SHC3: variants seen among roughly 807,000 people sequenced by gnomAD.
SHC3 encodes SHC adaptor protein 3.
Under a neutral mutation model 60.4 loss-of-function variants are expected in SHC3, and 15 were observed. That is an observed-to-expected ratio of 0.25 (90% CI 0.17 to 0.38). The LOEUF is 0.38. SHC3 is among the 10% of genes least tolerant of loss of function. SHC3 has a pLI of 1.00. For missense variants in SHC3, 677 were observed against 786.1 expected (o/e 0.86, Z 1.66); for synonymous variants, 294 against 325.9 (o/e 0.90, Z 1.05).
intron 1 of SHC3, among the ~76,000 whole-genome samples, chr9:89,155,605 C>A (rs1246545096): frequency 5.9e-5 from 9 of 152,164 alleles, no homozygotes; most frequent in Non-Finnish European, 1.3e-4. Context: ...CAAAAAGCCA[C>A]CCTAAGTAGC....
At chr9:89,085,893 A>C (rs894901584) in intron 2 of SHC3, among the ~76,000 whole-genome samples, 1 of 152,072 alleles carries the variant, frequency 6.6e-6, no homozygotes. Flanking sequence ...TCCTCAATAA[A>C]ATCCTCAGGA....
chr9:89,134,611 G>T (rs1379458362), intron 1 of SHC3, among the ~76,000 whole-genome samples: 1 of 152,016 alleles, frequency 6.6e-6, no homozygotes, highest in African/African-American at 2.4e-5. Flanking sequence ...CTTGTCAATT[G>T]TGACTTTAAT....
intron 10 of SHC3, 138 bp from the exon 11 acceptor site, chr9:89,038,426 G>A (rs1424595577): frequency 1.1e-6 from 1 of 905,570 alleles, no homozygotes; most frequent in Non-Finnish European, 1.6e-6. Flanking sequence ...AACCAATGGA[G>A]ACAACTAACT....
intron 2 of SHC3, among the ~76,000 whole-genome samples, chr9:89,105,605 A>T (rs751624175): frequency 1.3e-5 from 2 of 152,204 alleles, no homozygotes; most frequent in Non-Finnish European, 2.9e-5. Flanking sequence ...TTTTATCTTC[A>T]ATATCTAAAC....
chr9:89,062,023 A>G (rs888453359), intron 6 of SHC3, among the ~76,000 whole-genome samples: 1 of 152,232 alleles, frequency 6.6e-6, no homozygotes, highest in East Asian at 1.9e-4. Flanking sequence ...AGGGAGTACC[A>G]GAGGGCGCCT....
In SHC3 at chr9:89,006,324, A is replaced by G. The variant is rs1189722758; in HGVS notation, c.*7123T>C. ...CAAAAGGGAGGAGGGAATTTAAGCT[A>G]ATTCTCTTCACCTGCTGTATTCTCA... On this transcript the variant is annotated 3_prime_UTR_variant, in exon 12 of 12. Transcript: ENST00000375835. 6.6e-6 allele frequency: 1 copy of G among 152,214 alleles called. No individual in the cohort carries two copies. Among genetic ancestry groups the G allele is most frequent in the Non-Finnish European group, 1.5e-5 (1 of 68,032 alleles). The allele number at this position is 152,214 out of a possible 1,614,324, so 9.4% of individuals were successfully genotyped here. A position where few individuals can be genotyped will look rare whatever the true frequency, so the allele number is the denominator to read the frequency against.
intron 11 of SHC3, among the ~76,000 whole-genome samples, chr9:89,018,261 A>T (rs1284739854): frequency 6.6e-6 from 1 of 152,236 alleles, no homozygotes; most frequent in East Asian, 1.9e-4. Flanking sequence ...TCAATGATAG[A>T]CTGGGTAAAG....
chr9:89,079,832 C>A (rs924039601), intron 2 of SHC3, among the ~76,000 whole-genome samples: 1 of 152,206 alleles, frequency 6.6e-6, no homozygotes, highest in Non-Finnish European at 1.5e-5. Flanking sequence ...CAGGGAAAAT[C>A]CTAAGGATCC....
At chr9:89,043,596 G>T (rs73496102) in intron 9 of SHC3, among the ~76,000 whole-genome samples, 15,254 of 152,040 alleles carry the variant, frequency 0.1, 2,489 homozygotes, top group African/African-American at 0.35. Context: ...GACAGTATCT[G>T]CCAGCAAATT....
intron 1 of SHC3, among the ~76,000 whole-genome samples, chr9:89,161,765 T>C (rs1209780493): frequency 6.7e-6 from 1 of 149,416 alleles, no homozygotes; most frequent in Non-Finnish European, 1.5e-5. Flanking sequence ...GAGAAGGAAA[T>C]AAAGGGTATT....
Position 89,012,678 on chromosome 9 carries a change from A to G in SHC3, c.*769T>C, listed in dbSNP as rs902992273. On this transcript the variant is annotated 3_prime_UTR_variant, in exon 12 of 12. Coordinates refer to ENST00000375835, the MANE Select transcript of SHC3 (RefSeq NM_016848.6). ...AACAGGGAAGCACTTGTCAATCAAAATCTTGGTTGGTGAAGCTTATTTTGT... is the reference window on the plus strand; with the variant it reads ...AACAGGGAAGCACTTGTCAATCAAAGTCTTGGTTGGTGAAGCTTATTTTGT... 6.6e-6 allele frequency: 1 copy of G among 152,204 alleles called. No homozygotes were observed. Among genetic ancestry groups the G allele is most frequent in the African/African-American group, 2.4e-5 (1 of 41,456 alleles). 9.4% of individuals were successfully genotyped at this position (152,204 alleles called of 1,614,324 possible).
At position 89,042,132 on chromosome 9, in the gene SHC3, C is replaced by G. The variant is rs769318109; in HGVS notation, c.1254G>C (p.Thr418=). 6.4e-7 allele frequency: 1 copy of G among 1,568,044 alleles called. No homozygotes were observed. Among genetic ancestry groups the G allele is most frequent in the East Asian group, 2.3e-5 (1 of 43,472 alleles). ...TPEGKLHVAP[T]GEAPTYVNTQ... is the part of the protein sequence containing the mutation. ...TGTTGACGTAGGTGGGTGCTTCTCC[C>G]GTGGGGGCCACGTGCAGTTTCCCTT... The change falls in exon 10 of 12, where the codon ACG becomes ACC. Residue 418 remains threonine (T), a synonymous_variant. Coordinates refer to ENST00000375835, the MANE Select transcript of SHC3 (RefSeq NM_016848.6).
At chr9:89,126,326 T>A (rs906756242) in intron 1 of SHC3, among the ~76,000 whole-genome samples, 3 of 152,190 alleles carry the variant, frequency 2.0e-5, no homozygotes, top group African/African-American at 7.2e-5. Context: ...TTAGAGTTCT[T>A]CCTAACATTT....
intron 4 of SHC3, among the ~76,000 whole-genome samples, chr9:89,072,114 G>A (rs1825284022): frequency 6.6e-6 from 1 of 152,150 alleles, no homozygotes; most frequent in Admixed American, 6.5e-5. Context: ...CTGACCTGTG[G>A]AGTGGCTTCA....
At chr9:89,044,144 A>T (rs1824735216) in intron 9 of SHC3, among the ~76,000 whole-genome samples, 1 of 152,334 alleles carries the variant, frequency 6.6e-6, no homozygotes, top group Non-Finnish European at 1.5e-5. Flanking sequence ...AAGGGAAATA[A>T]TGTGTCTCCT....
chr9:89,018,763 G>A (rs4504710), intron 11 of SHC3, among the ~76,000 whole-genome samples: 1 of 143,158 alleles, frequency 7.0e-6, no homozygotes, highest in South Asian at 2.2e-4. Context: ...ACTTGATAAA[G>A]AATATCTATG....
chr9:89,059,916 G>A (rs919644554), intron 6 of SHC3, among the ~76,000 whole-genome samples: 3 of 150,460 alleles, frequency 2.0e-5, no homozygotes, highest in Non-Finnish European at 3.0e-5. Context: ...CAGTGGTGGA[G>A]GATGTCATAT....
intron 1 of SHC3, among the ~76,000 whole-genome samples, chr9:89,117,160 T>C (rs1345757943): frequency 6.6e-6 from 1 of 152,200 alleles, no homozygotes; most frequent in Non-Finnish European, 1.5e-5. Flanking sequence ...TAATTTCTTG[T>C]AGTTATATTA....
intron 1 of SHC3, among the ~76,000 whole-genome samples, chr9:89,142,349 C>T (rs1285110375): frequency 6.6e-6 from 1 of 152,006 alleles, no homozygotes; most frequent in Non-Finnish European, 1.5e-5. Flanking sequence ...CACTTGAGGT[C>T]CAGGAGTTCA....
Sources: allele counts gnomAD v4.1 joint callset (sites outside exome capture counted in the v4.1 genomes callset), GRCh38; gene constraint gnomAD v4.1.1; transcripts MANE v1.5; gene names NCBI Gene and HGNC (gene_info 2026-07-23, HGNC 2026-07-21).